BCL11B: variants seen among roughly 807,000 people sequenced by gnomAD.
BCL11B encodes BCL11 transcription factor B, also known as B-cell lymphoma/leukemia 11B.
In BCL11B, 8 loss-of-function variants were observed where a neutral mutation model predicts 49.9. That is an observed-to-expected ratio of 0.16 (90% CI 0.09 to 0.29). The LOEUF is 0.29. Among genes scored for constraint, BCL11B ranks in the 10% least tolerant of loss-of-function variants. The pLI is 1.00. For missense variants in BCL11B, 1,006 were observed against 1,351.0 expected (o/e 0.74, Z 4.00); for synonymous variants, 739 against 637.4 (o/e 1.16, Z -2.40).
intron 1 of BCL11B, among the ~76,000 whole-genome samples, chr14:99,267,814 G>A (rs1014468387): frequency 6.6e-5 from 10 of 152,248 alleles, no homozygotes; most frequent in African/African-American, 9.6e-5. Context: ...GAATTCATAC[G>A]GAAAATTACT....
At position 99,228,561 on chromosome 14, in the gene BCL11B, C is replaced by T. The variant is rs2139882945; in HGVS notation, c.640+2784G>A. On this transcript the variant is annotated intron_variant, in intron 3 of 3. Coordinates refer to ENST00000357195, the MANE Select transcript of BCL11B (RefSeq NM_138576.4). This position sits in a 1 kb window ranked among gnomAD's most constrained non-coding sequence, Gnocchi z 4.8. ...CAGTCCCAGCCCCAGGAACAGGACACTGCCCTTCCTCACGTCCCTCCCAGA... is the reference window on the plus strand; with the variant it reads ...CAGTCCCAGCCCCAGGAACAGGACATTGCCCTTCCTCACGTCCCTCCCAGA... 6.6e-6 allele frequency among the ~76,000 whole-genome samples: 1 copy of T among 152,346 alleles called. No homozygotes were observed. The highest frequency in any genetic ancestry group is 2.4e-5 in the African/African-American group (1 of 41,592).
chr14:99,224,739 A>G (rs1366843175), intron 3 of BCL11B, among the ~76,000 whole-genome samples: 1 of 152,140 alleles, frequency 6.6e-6, no homozygotes, highest in African/African-American at 2.4e-5. Flanking sequence ...CCCATTTTAC[A>G]GGTGGGGACA....
In BCL11B at chr14:99,221,684, C is replaced by T. The variant is rs540778769; in HGVS notation, c.640+9661G>A. 7.9e-5 allele frequency among the ~76,000 whole-genome samples: 12 copies of T among 152,382 alleles called. No homozygotes were observed. The South Asian group carries it at 1.9e-3, about 24-fold the overall frequency. ...AATCCCACCTGTGCCGTCCACCAGA[C>T]GCGCAAGGAAAGCAATTTCGCATCT... On this transcript the variant is annotated intron_variant, in intron 3 of 3. Coordinates refer to ENST00000357195, the MANE Select transcript of BCL11B (RefSeq NM_138576.4).
intron 3 of BCL11B, among the ~76,000 whole-genome samples, chr14:99,216,335 A>G (rs1480211639): frequency 3.9e-5 from 6 of 152,318 alleles, no homozygotes; most frequent in African/African-American, 1.4e-4. Context: ...CTCAGTCGTG[A>G]GATGGTGCTA....
intron 3 of BCL11B, among the ~76,000 whole-genome samples, chr14:99,197,897 A>G (rs1485116929): frequency 1.3e-5 from 2 of 152,126 alleles, no homozygotes; most frequent in Non-Finnish European, 2.9e-5. Flanking sequence ...CTGACTTCCA[A>G]TTTGAAGCCG....
intron 3 of BCL11B, among the ~76,000 whole-genome samples, chr14:99,216,953 T>A (rs1366705865): frequency 6.6e-6 from 1 of 152,064 alleles, no homozygotes; most frequent in Non-Finnish European, 1.5e-5. Context: ...TGTACACACA[T>A]CTGCACACAC....
At chr14:99,206,461 C>A (rs1887536380) in intron 3 of BCL11B, among the ~76,000 whole-genome samples, 1 of 152,158 alleles carries the variant, frequency 6.6e-6, no homozygotes, top group Non-Finnish European at 1.5e-5. Context: ...TGAGCCACTC[C>A]AAGTAGTGTG....
intron 1 of BCL11B, among the ~76,000 whole-genome samples, chr14:99,268,122 C>T (rs1889540064): frequency 6.6e-6 from 1 of 151,932 alleles, no homozygotes; most frequent in South Asian, 2.1e-4. Flanking sequence ...AAGCCATATC[C>T]ATCTGGGTCA....
rs1887061187 is a variant in BCL11B at position 99,192,482 on chromosome 14, C to A, written c.641-16287G>T. On this transcript the variant is annotated intron_variant, in intron 3 of 3. Transcript: ENST00000357195. The surrounding 1 kb of genome is among the most constrained non-coding windows in gnomAD (Gnocchi z 4.0). ...AAGGCAGAAAATAAAACAATGCCGG[C>A]ACGTTCTGGAGACCACAGCGCGCTA... Among the ~76,000 whole-genome samples, 1 of 152,170 alleles carries A rather than the reference C, an allele frequency of 6.6e-6. No homozygotes were observed. The highest frequency in any genetic ancestry group is 6.5e-5 in the Admixed American group (1 of 15,280).
At chr14:99,177,008 C>T (rs1886555290) in intron 3 of BCL11B, among the ~76,000 whole-genome samples, 1 of 152,026 alleles carries the variant, frequency 6.6e-6, no homozygotes. Context: ...CCTACACCAC[C>T]GTCTGTGCAG....
At chr14:99,270,819 G>T (rs1210359189) in intron 1 of BCL11B, among the ~76,000 whole-genome samples, 1 of 122,442 alleles carries the variant, frequency 8.2e-6, no homozygotes, top group Non-Finnish European at 1.7e-5. Flanking sequence ...CGCCGCCGCC[G>T]CCACACACGC....
chr14:99,226,202 A>G (rs953569401), intron 3 of BCL11B, among the ~76,000 whole-genome samples: 1 of 152,204 alleles, frequency 6.6e-6, no homozygotes, highest in Non-Finnish European at 1.5e-5. Context: ...CTTTTCCTAC[A>G]TGGAGCCAGC....
chr14:99,175,660 C>G lies in BCL11B; in HGVS notation c.1176G>C (p.Leu392=), dbSNP rs759755929. ...ACTTGGGGCTGGGCTGGAAGGGGTT[C>G]AGGAGCCGGTGCATAGGGTTGCCGC... ...PGRGNPMHRL[L]NPFQPSPKSP... is the part of the protein sequence containing the mutation. The change falls in exon 4 of 4, where the codon CTG becomes CTC. Residue 392 remains leucine, a synonymous_variant. Coordinates refer to ENST00000357195, the MANE Select transcript of BCL11B (RefSeq NM_138576.4). 15 of 1,557,556 alleles carry G rather than the reference C, an allele frequency of 9.6e-6. No homozygotes were observed. The South Asian group carries it at 1.5e-4, about 16-fold the overall frequency.
In BCL11B at chr14:99,175,501, G is replaced by A. The variant is rs1886477556; in HGVS notation, c.1335C>T (p.His445=). ...GCTTCTCGCCCGTGTGACTGCGCCGGTGCACGATGAGATTGCTCTGGAACT... is the reference window on the plus strand; with the variant it reads ...GCTTCTCGCCCGTGTGACTGCGCCGATGCACGATGAGATTGCTCTGGAACT... ...TFKFQSNLIV[H]RRSHTGEKPY... is the part of the protein sequence containing the mutation. Residue 445 remains histidine, a synonymous_variant, in exon 4 of 4, where the codon CAC becomes CAT. Coordinates refer to ENST00000357195, the MANE Select transcript of BCL11B (RefSeq NM_138576.4). 2.5e-6 allele frequency: 4 copies of A among 1,610,234 alleles called. No homozygotes were observed. The highest frequency in any genetic ancestry group is 2.7e-5 in the African/African-American group (2 of 74,504).
chr14:99,243,483 T>C (rs905978484), intron 2 of BCL11B, among the ~76,000 whole-genome samples: 4 of 152,172 alleles, frequency 2.6e-5, no homozygotes, highest in African/African-American at 7.2e-5. Flanking sequence ...CTCCTACCTA[T>C]GGGTTTGTTT....
intron 2 of BCL11B, among the ~76,000 whole-genome samples, chr14:99,256,908 C>A (rs1889179564): frequency 6.6e-6 from 1 of 152,162 alleles, no homozygotes; most frequent in African/African-American, 2.4e-5. Flanking sequence ...GGGGGCCTAA[C>A]TCCTCATTTC....
rs1483280045 is a variant in BCL11B, at chr14:99,205,631, G to T, written c.640+25714C>A. ...CCCAAAATTTGACAGGACATTTGAA[G>T]CATCCGCCCCCCTACCCCCCAGCTT... On this transcript the variant is annotated intron_variant, in intron 3 of 3. Coordinates refer to ENST00000357195, the MANE Select transcript of BCL11B (RefSeq NM_138576.4). This position sits in a 1 kb window ranked among gnomAD's most constrained non-coding sequence, Gnocchi z 5.0. Among the ~76,000 whole-genome samples the T allele has an allele frequency of 6.6e-6, 1 of 152,162 alleles. No homozygotes were observed. Among genetic ancestry groups the T allele is most frequent in the Non-Finnish European group, 1.5e-5 (1 of 68,042 alleles).
intron 2 of BCL11B, among the ~76,000 whole-genome samples, chr14:99,252,408 G>A (rs187222484): frequency 3.6e-4 from 55 of 152,160 alleles, no homozygotes; most frequent in Non-Finnish European, 6.3e-4. Context: ...TTTTTTTCAC[G>A]TTTATTTTAT....
chr14:99,212,201 A>T (rs1476597231), intron 3 of BCL11B, among the ~76,000 whole-genome samples: 1 of 152,236 alleles, frequency 6.6e-6, no homozygotes, highest in Non-Finnish European at 1.5e-5. Flanking sequence ...ATAAAGAAGC[A>T]AAAGCAAAAT....
Sources: allele counts gnomAD v4.1 joint callset (sites outside exome capture counted in the v4.1 genomes callset), GRCh38; gene constraint gnomAD v4.1.1; non-coding constraint Gnocchi (gnomAD v3.1); transcripts MANE v1.5; gene names NCBI Gene and HGNC (gene_info 2026-07-23, HGNC 2026-07-21).